The following LRP1B variants were observed in gnomAD, a reference collection of about 807,000 sequenced individuals.
LRP1B encodes low-density lipoprotein receptor-related protein 1B.
A neutral mutation model predicts 556.6 loss-of-function variants in LRP1B; 217 were observed. That is an observed-to-expected ratio of 0.39 (90% CI 0.35 to 0.44). The LOEUF is 0.44. LRP1B is among the 20% of genes least tolerant of loss of function. The probability of loss-of-function intolerance (pLI) is 1.00; values close to 1 mark genes in which losing one functional copy is unlikely to be tolerated. For missense variants in LRP1B, 5,053 were observed against 5,620.8 expected (o/e 0.90, Z 3.23); for synonymous variants, 2,047 against 1,865.8 (o/e 1.10, Z -2.50).
Position 141,822,130 on chromosome 2 carries a change from C to CAGAGAGAGAGAGAGAGAGAGAGAG in LRP1B, c.83-11753_83-11730dup, listed in dbSNP as rs1553469382. On this transcript the variant is annotated intron_variant, in intron 1 of 90. Transcript: ENST00000389484. ...ACACACACACACACACACACACACA[C>CAGAGAGAGAGAGAGAGAGAGAGAG]AGAGAGAGAGAGAGAGAGAGAGAGA... 1.8e-4 allele frequency among the ~76,000 whole-genome samples: 17 copies of CAGAGAGAGAGAGAGAGAGAGAGAG among 95,892 alleles called. 1 individual carries two copies. The highest frequency in any genetic ancestry group is 7.0e-3 in the Middle Eastern group (1 of 142). The allele number at this position is 95,892 out of a possible 152,430, so 62.9% of individuals were successfully genotyped here. A position where few individuals can be genotyped will look rare whatever the true frequency, so the allele number is the denominator to read the frequency against.
intron 1 of LRP1B, among the ~76,000 whole-genome samples, chr2:141,883,414 A>G (rs1241974390): frequency 6.6e-6 from 1 of 152,178 alleles, no homozygotes; most frequent in East Asian, 1.9e-4. Flanking sequence ...GGTAGAGTTG[A>G]AGACACTATT....
chr2:140,540,478 T>G (rs975291925), intron 45 of LRP1B, among the ~76,000 whole-genome samples: 4 of 152,110 alleles, frequency 2.6e-5, no homozygotes, highest in African/African-American at 9.7e-5. Context: ...ATAAACACCA[T>G]GCAAGGCTGC....
chr2:140,274,568 T>A lies in LRP1B; in HGVS notation c.12998A>T (p.Glu4333Val). ...TCCATCATCCCCAATGGTACATGATTCAGAATTCACACAATAGTGGTGGCA... is the reference window on the plus strand; with the variant it reads ...TCCATCATCCCCAATGGTACATGATACAGAATTCACACAATAGTGGTGGCA... ...YVCHHYCVNS[E>V]SCTIGDDGSV... The change falls in exon 85 of 91, where the codon GAA becomes GTA. Residue 4333 changes from glutamate to valine, a missense_variant. Physicochemically the swap from Glu to Val is moderately radical, Grantham distance 121. Around this residue, in one of 5 missense-constraint regions of LRP1B, gnomAD observed 551 missense variants for 592.0 expected, o/e 0.93. Coordinates refer to ENST00000389484, the MANE Select transcript of LRP1B (RefSeq NM_018557.3). 2 of 1,612,358 alleles carry A rather than the reference T, an allele frequency of 1.2e-6. No homozygotes were observed. Among genetic ancestry groups the A allele is most frequent in the South Asian group, 2.2e-5 (2 of 90,978 alleles).
chr2:140,883,433 C>A (rs1378638496), intron 25 of LRP1B, among the ~76,000 whole-genome samples: 5 of 152,012 alleles, frequency 3.3e-5, no homozygotes, highest in African/African-American at 1.2e-4. Flanking sequence ...CAAAGACTGG[C>A]CCTGTAGTTT....
intron 2 of LRP1B, among the ~76,000 whole-genome samples, chr2:141,742,565 C>T (rs6758126): frequency 0.76 from 115,100 of 151,976 alleles, 43,773 homozygotes; most frequent in African/African-American, 0.79. Context: ...CCAGTTCTGT[C>T]CTTAGCATTT....
At chr2:140,775,023 T>G (rs576852361) in intron 33 of LRP1B, among the ~76,000 whole-genome samples, 1 of 152,144 alleles carries the variant, frequency 6.6e-6, no homozygotes, top group Non-Finnish European at 1.5e-5. Context: ...CGGAATGCAA[T>G]AAATACTTCA....
At chr2:140,441,525 A>C (rs1421985044) in intron 66 of LRP1B, among the ~76,000 whole-genome samples, 3 of 152,196 alleles carry the variant, frequency 2.0e-5, no homozygotes, top group African/African-American at 7.2e-5. Context: ...AAATCACTTA[A>C]AGACATGTTA....
chr2:141,397,667 G>A (rs1427839672), intron 3 of LRP1B, among the ~76,000 whole-genome samples: 2 of 151,744 alleles, frequency 1.3e-5, no homozygotes, highest in East Asian at 1.9e-4. Flanking sequence ...TTTATAGGTA[G>A]GCTTTCTGAA....
Position 141,607,110 on chromosome 2 carries a change from C to A in LRP1B, c.206-126577G>T, listed in dbSNP as rs10496886. Among the ~76,000 whole-genome samples the A allele has an allele frequency of 3.3e-5, 5 of 151,170 alleles. No individual in the cohort carries two copies. In the East Asian group the frequency reaches 5.8e-4, roughly 18 times the overall value. On this transcript the variant is annotated intron_variant, in intron 2 of 90. Transcript: ENST00000389484. ...TGGAAAGCATAAATTTGATTCATAC[C>A]CTTACAAAATTTAATATAGTGAATT...
chr2:141,401,457 C>T (rs2104925598), intron 3 of LRP1B, among the ~76,000 whole-genome samples: 1 of 152,260 alleles, frequency 6.6e-6, no homozygotes, highest in South Asian at 2.1e-4. Flanking sequence ...TGAAAAATTA[C>T]ATGTATCTAT....
chr2:140,374,689 C>G (rs1268660991), intron 68 of LRP1B, among the ~76,000 whole-genome samples: 1 of 152,034 alleles, frequency 6.6e-6, no homozygotes, highest in Non-Finnish European at 1.5e-5. Context: ...ATATAGAAAA[C>G]AAATGTAAAT....
At chr2:140,905,146 T>C (rs925519973) in intron 22 of LRP1B, among the ~76,000 whole-genome samples, 4 of 152,132 alleles carry the variant, frequency 2.6e-5, no homozygotes, top group Non-Finnish European at 5.9e-5. Context: ...CTCTTCTGAC[T>C]AGACTTCAGC....
intron 86 of LRP1B, among the ~76,000 whole-genome samples, chr2:140,249,462 A>G (rs1681309801): frequency 6.6e-6 from 1 of 151,640 alleles, no homozygotes; most frequent in Non-Finnish European, 1.5e-5. Context: ...AGTGGTCATA[A>G]TCCTCTCCTC....
chr2:142,032,677 A>C (rs1401106026), intron 1 of LRP1B, among the ~76,000 whole-genome samples: 4 of 151,834 alleles, frequency 2.6e-5, no homozygotes, highest in Non-Finnish European at 4.4e-5. Flanking sequence ...TTAGACATAC[A>C]GGGCTTTGAG....
rs1332576932 is a variant in LRP1B, at chr2:141,789,587, T to C, written c.205+20692A>G. Among the ~76,000 whole-genome samples, 5 of 151,940 alleles carry C rather than the reference T, an allele frequency of 3.3e-5. No homozygotes were observed. In the East Asian group the frequency reaches 5.8e-4, roughly 18 times the overall value. ...TAGTAAGAAACACACCAACTTTCCT[T>C]TATGTTTTTCTTTTCATTAAAAAAA... On this transcript the variant is annotated intron_variant, in intron 2 of 90. Transcript: ENST00000389484.
At chr2:141,402,986 G>C (rs1258499566) in intron 3 of LRP1B, among the ~76,000 whole-genome samples, 1 of 152,000 alleles carries the variant, frequency 6.6e-6, no homozygotes, top group Admixed American at 6.6e-5. Context: ...GGAGAGGAAA[G>C]GGGCAAAATA....
intron 1 of LRP1B, among the ~76,000 whole-genome samples, chr2:142,003,443 C>T (rs1256996509): frequency 6.6e-6 from 1 of 152,136 alleles, no homozygotes; most frequent in Non-Finnish European, 1.5e-5. Flanking sequence ...GCCAACCACC[C>T]TTTCAGTGGA....
chr2:141,708,801 T>C (rs1692245917), intron 2 of LRP1B, among the ~76,000 whole-genome samples: 1 of 152,052 alleles, frequency 6.6e-6, no homozygotes, highest in South Asian at 2.1e-4. Context: ...AGAAGAAATT[T>C]GGATCAGAGA....
At chr2:140,314,831 T>C (rs1440913007) in intron 83 of LRP1B, 104 bp downstream of exon 83, 3 of 751,084 alleles carry the variant, frequency 4.0e-6, no homozygotes, top group African/African-American at 1.8e-5. Flanking sequence ...TAGTCTATTG[T>C]TCATTAAGAT....
Sources: gnomAD v4.1 joint callset for allele counts (sites outside exome capture counted in the v4.1 genomes callset) on GRCh38, gnomAD v4.1.1 for gene constraint, gnomAD v4.1.1 regional missense constraint, MANE v1.5 for transcripts, NCBI Gene and HGNC (gene_info 2026-07-23, HGNC 2026-07-21) for gene names.